Variants in CNTN6 observed in about 807,000 individuals in gnomAD.
The protein encoded by CNTN6 is contactin-6.
A neutral mutation model predicts 122.8 loss-of-function variants in CNTN6; 137 were observed. That is an observed-to-expected ratio of 1.12 (90% CI 0.97 to 1.29). CNTN6 has a LOEUF of 1.29. CNTN6 is among the 50% of genes most tolerant of loss of function. CNTN6 has a pLI of 0.00. For synonymous variants in CNTN6, 570 were observed against 426.0 expected, an observed-to-expected ratio of 1.34 and a Z score of -4.16; for missense variants, 1,634 against 1,223.4, an observed-to-expected ratio of 1.34 and a Z score of -5.01.
intron 2 of CNTN6, among the ~76,000 whole-genome samples, chr3:1,151,971 A>G (rs1280575006): frequency 6.6e-6 from 1 of 152,180 alleles, no homozygotes; most frequent in Non-Finnish European, 1.5e-5. Context: ...TTACTGAAAA[A>G]TCTACATTTC....
Position 1,388,472 on chromosome 3 carries a change from A to G in CNTN6, c.2704+2675A>G, listed in dbSNP as rs375395700. Among the ~76,000 whole-genome samples the G allele has an allele frequency of 1.4e-4, 21 of 151,938 alleles. No individual in the cohort carries two copies. The South Asian group carries it at 1.9e-3, about 14-fold the overall frequency. ...ACCACAAAGATGGGGAAAAAACAGA[A>G]CAGAAAAACTGGAAACTCTAAAACG... On this transcript the variant is annotated intron_variant, in intron 20 of 22. Coordinates refer to ENST00000446702, the MANE Select transcript of CNTN6 (RefSeq NM_001289080.2).
intron 11 of CNTN6, among the ~76,000 whole-genome samples, chr3:1,344,656 C>G (rs1704395120): frequency 6.6e-6 from 1 of 152,130 alleles, no homozygotes; most frequent in Non-Finnish European, 1.5e-5. Flanking sequence ...GAAAGATTTG[C>G]AAATTATAAA....
At chr3:1,147,893 G>T in intron 1 of CNTN6, 34 bp from the exon 2 acceptor site, 1 of 660,912 alleles carries the variant, frequency 1.5e-6, no homozygotes. Context: ...GTGTTTGTAC[G>T]TTTTTCATTT....
chr3:1,335,768 C>T (rs768159674), intron 11 of CNTN6, among the ~76,000 whole-genome samples: 7 of 152,078 alleles, frequency 4.6e-5, no homozygotes, highest in African/African-American at 4.8e-5. Flanking sequence ...GTGGCTCATG[C>T]CTGTAATCCC....
chr3:1,369,157 C>G (rs1708635732), intron 12 of CNTN6, among the ~76,000 whole-genome samples: 1 of 152,152 alleles, frequency 6.6e-6, no homozygotes, highest in Admixed American at 6.5e-5. Flanking sequence ...CTACCTTTAC[C>G]CAGCTCACTA....
At chr3:1,354,121 T>C (rs1706140670) in intron 12 of CNTN6, among the ~76,000 whole-genome samples, 1 of 151,308 alleles carries the variant, frequency 6.6e-6, no homozygotes, top group African/African-American at 2.4e-5. Context: ...GAAAGAAAAA[T>C]AAAAGGTGAC....
At chr3:1,393,477 C>T (rs886500272) in intron 20 of CNTN6, among the ~76,000 whole-genome samples, 4 of 142,492 alleles carry the variant, frequency 2.8e-5, no homozygotes, top group South Asian at 2.4e-4. Flanking sequence ...TTAGTGGGTG[C>T]AGCGCACCAG....
intron 17 of CNTN6, among the ~76,000 whole-genome samples, chr3:1,381,606 C>G (rs973712871): frequency 1.3e-5 from 2 of 152,170 alleles, no homozygotes; most frequent in African/African-American, 4.8e-5. Flanking sequence ...GCTGATCCAG[C>G]CCCGGCTTGA....
intron 7 of CNTN6, among the ~76,000 whole-genome samples, chr3:1,320,187 A>T (rs916671179): frequency 2.0e-5 from 3 of 151,690 alleles, no homozygotes; most frequent in Non-Finnish European, 4.4e-5. Flanking sequence ...GATAATAATT[A>T]TTTTTTACTT....
intron 6 of CNTN6, among the ~76,000 whole-genome samples, 189 bp downstream of exon 6, chr3:1,295,993 G>A (rs965600884): frequency 3.9e-5 from 6 of 152,252 alleles, no homozygotes; most frequent in Middle Eastern, 3.4e-3. Context: ...CAGTAGACAT[G>A]GTTCTGGGTA....
rs559042608 is a variant in CNTN6 at position 1,329,282 on chromosome 3, T to C, written c.1214-503T>C. Among the ~76,000 whole-genome samples the C allele has an allele frequency of 1.1e-4, 16 of 151,756 alleles. No individual in the cohort carries two copies. The South Asian group carries it at 3.3e-3, about 32-fold the overall frequency. On this transcript the variant is annotated intron_variant, in intron 10 of 22. Transcript: ENST00000446702. ...GTGTGTGTTTCTGATTTATCATATGTATGTATATGACATGTATGATCATTG... is the reference window on the plus strand; with the variant it reads ...GTGTGTGTTTCTGATTTATCATATGCATGTATATGACATGTATGATCATTG...
chr3:1,360,532 T>TATGTATATAAACATAC (rs1189176453), intron 12 of CNTN6, among the ~76,000 whole-genome samples: 1 of 152,104 alleles, frequency 6.6e-6, no homozygotes, highest in Non-Finnish European at 1.5e-5. Context: ...CATCTATATG[T>TATGTATATAAACATAC]ATGTATATAA....
intron 7 of CNTN6, among the ~76,000 whole-genome samples, chr3:1,302,702 A>C (rs950484445): frequency 6.6e-6 from 1 of 152,050 alleles, no homozygotes; most frequent in Non-Finnish European, 1.5e-5. Flanking sequence ...ACCCCCTATC[A>C]CTGGGAATAT....
At chr3:1,312,435 T>A (rs1418550962) in intron 7 of CNTN6, among the ~76,000 whole-genome samples, 2 of 152,052 alleles carry the variant, frequency 1.3e-5, no homozygotes, top group African/African-American at 4.8e-5. Flanking sequence ...ATTGGCAGTT[T>A]ACAGTAGAGA....
In CNTN6 at chr3:1,277,346, CTTTTTTTTTTTTT is replaced by C. The variant is rs10599744; in HGVS notation, c.359-1048_359-1036del. Among the ~76,000 whole-genome samples, 7 of 80,192 alleles carry C rather than the reference CTTTTTTTTTTTTT, an allele frequency of 8.7e-5. No individual in the cohort carries two copies. In the East Asian group the frequency reaches 1.9e-3, roughly 21 times the overall value. 52.6% of individuals were successfully genotyped at this position (80,192 alleles called of 152,430 possible). A position where few individuals can be genotyped will look rare whatever the true frequency, so the allele number is the denominator to read the frequency against. On this transcript the variant is annotated intron_variant, in intron 4 of 22. Coordinates refer to ENST00000446702, the MANE Select transcript of CNTN6 (RefSeq NM_001289080.2). ...CTACTTCTGTCTTTTAGTAGGTTTT[CTTTTTTTTTTTTT>C]TTTTTTTTTTTTTTTTTTGAGACCG...
At chr3:1,166,968 G>A (rs545178780) in intron 2 of CNTN6, among the ~76,000 whole-genome samples, 13 of 151,610 alleles carry the variant, frequency 8.6e-5, no homozygotes, top group African/African-American at 3.2e-4. Context: ...GGATTAATAG[G>A]TGCAGCAAAC....
chr3:1,100,151 A>G (rs997953952), intron 1 of CNTN6, among the ~76,000 whole-genome samples: 1 of 151,422 alleles, frequency 6.6e-6, no homozygotes, highest in African/African-American at 2.4e-5. Context: ...TGCATCTCCT[A>G]GATTCTCTTC....
chr3:1,365,754 C>G (rs1048315090), intron 12 of CNTN6, among the ~76,000 whole-genome samples: 1 of 152,144 alleles, frequency 6.6e-6, no homozygotes, highest in Non-Finnish European at 1.5e-5. Flanking sequence ...TAGGAATTCT[C>G]AGAGCTTTTA....
intron 2 of CNTN6, among the ~76,000 whole-genome samples, chr3:1,158,817 C>T (rs1211449747): frequency 5.3e-3 from 161 of 30,402 alleles, no homozygotes; most frequent in African/African-American, 0.011. Flanking sequence ...CATATATATA[C>T]ACACACATAT....
Sources: allele counts gnomAD v4.1 joint callset (sites outside exome capture counted in the v4.1 genomes callset), GRCh38; gene constraint gnomAD v4.1.1; transcripts MANE v1.5; gene names NCBI Gene and HGNC (gene_info 2026-07-23, HGNC 2026-07-21).